Variants in PRORP observed in about 807,000 individuals in gnomAD.
PRORP encodes protein only RNase P catalytic subunit.
In PRORP, 51 loss-of-function variants were observed where a neutral mutation model predicts 59.4. The observed-to-expected ratio is 0.86, with a 90% confidence interval of 0.69 to 1.08. PRORP has a LOEUF of 1.08. Ranked by LOEUF, PRORP falls within the 50% of genes least tolerant of loss-of-function variation. The probability of loss-of-function intolerance (pLI) is 0.00; values close to 1 mark genes in which losing one functional copy is unlikely to be tolerated. For synonymous variants in PRORP, 231 were observed against 245.6 expected (o/e 0.94, Z 0.55); for missense variants, 646 against 690.3 (o/e 0.94, Z 0.72).
At chr14:35,126,042 G>C (rs948191518) in intron 2 of PRORP, among the ~76,000 whole-genome samples, 1 of 152,084 alleles carries the variant, frequency 6.6e-6, no homozygotes, top group East Asian at 1.9e-4. Context: ...AATAATGCTG[G>C]AATGGAGTTT....
intron 5 of PRORP, among the ~76,000 whole-genome samples, chr14:35,202,035 TCTCGGCTCACTGCAAG>T (rs1486227112): frequency 1.3e-5 from 2 of 150,654 alleles, no homozygotes; most frequent in Non-Finnish European, 3.0e-5. Context: ...AGTGGTGTGA[TCTCGGCTCACTGCAAG>T]CTCCACCTCC....
chr14:35,159,010 A>T (rs1428376580), intron 4 of PRORP: 3 of 329,188 alleles, frequency 9.1e-6, no homozygotes, highest in Non-Finnish European at 1.8e-5. Context: ...CCATCATTCC[A>T]GTCGTCCAGA....
intron 4 of PRORP, among the ~76,000 whole-genome samples, chr14:35,137,475 G>A (rs754819289): frequency 6.9e-6 from 1 of 144,660 alleles, no homozygotes; most frequent in Non-Finnish European, 1.5e-5. Context: ...GATACCTGCT[G>A]TGTTAAGTGG....
intron 5 of PRORP, among the ~76,000 whole-genome samples, chr14:35,242,663 G>T (rs935925895): frequency 4.6e-5 from 7 of 152,012 alleles, no homozygotes; most frequent in Non-Finnish European, 8.8e-5. Flanking sequence ...CATCTATCTA[G>T]CTAGCTAGCT....
intron 4 of PRORP, among the ~76,000 whole-genome samples, chr14:35,148,355 A>T (rs1360195021): frequency 6.6e-6 from 1 of 152,214 alleles, no homozygotes; most frequent in Non-Finnish European, 1.5e-5. Context: ...CTCCTTATAC[A>T]TCTCCATAAG....
At chr14:35,210,399 G>A (rs2049408111) in intron 5 of PRORP, among the ~76,000 whole-genome samples, 1 of 151,930 alleles carries the variant, frequency 6.6e-6, no homozygotes, top group Admixed American at 6.6e-5. Context: ...AAATGAATGA[G>A]GTACAAAGTC....
intron 5 of PRORP, among the ~76,000 whole-genome samples, chr14:35,236,557 T>C (rs1053241312): frequency 1.3e-5 from 2 of 152,194 alleles, no homozygotes; most frequent in African/African-American, 2.4e-5. Context: ...TGAACATATT[T>C]TAGTCTTTAT....
intron 4 of PRORP, among the ~76,000 whole-genome samples, chr14:35,174,966 C>T (rs2048410918): frequency 7.1e-6 from 1 of 141,220 alleles, no homozygotes; most frequent in South Asian, 2.2e-4. Flanking sequence ...TTGTTCAATT[C>T]GCACTTATGA....
intron 5 of PRORP, chr14:35,262,888 T>C (rs1384642092): frequency 1.3e-6 from 2 of 1,555,974 alleles, no homozygotes; most frequent in Non-Finnish European, 1.8e-6. Context: ...AAAGATGAAT[T>C]AATCCTTGAA....
intron 5 of PRORP, among the ~76,000 whole-genome samples, chr14:35,188,549 G>A (rs1330435694): frequency 2.0e-5 from 3 of 151,772 alleles, no homozygotes; most frequent in Non-Finnish European, 4.4e-5. Context: ...TAATCTCTAA[G>A]TATTTTCTCC....
chr14:35,181,606 G>C (rs1373975420), intron 5 of PRORP, among the ~76,000 whole-genome samples: 2 of 152,026 alleles, frequency 1.3e-5, no homozygotes, highest in African/African-American at 4.8e-5. Flanking sequence ...CTAACATGGT[G>C]AAACCCTGTC....
chr14:35,207,087 T>G (rs986922836), intron 5 of PRORP, among the ~76,000 whole-genome samples: 1 of 151,776 alleles, frequency 6.6e-6, no homozygotes, highest in African/African-American at 2.4e-5. Context: ...AAGGTGGCTG[T>G]GTATCTTTTA....
At chr14:35,198,344 G>T (rs1362969766) in intron 5 of PRORP, among the ~76,000 whole-genome samples, 1 of 152,178 alleles carries the variant, frequency 6.6e-6, no homozygotes, top group Non-Finnish European at 1.5e-5. Flanking sequence ...TTCTTGTTAC[G>T]AACCGGTGAA....
chr14:35,127,362 G>T (rs1254222783), intron 3 of PRORP, 117 bp from the exon 4 acceptor site: 11 of 722,582 alleles, frequency 1.5e-5, no homozygotes, highest in Non-Finnish European at 2.3e-5. Flanking sequence ...TATCACAAAG[G>T]TTTTAATGTT....
intron 4 of PRORP, chr14:35,158,560 A>T (rs1281625922): frequency 4.0e-6 from 1 of 251,338 alleles, no homozygotes; most frequent in African/African-American, 2.3e-5. Context: ...TAAAGTTATT[A>T]TCTGGTTTAA....
intron 5 of PRORP, among the ~76,000 whole-genome samples, chr14:35,182,615 A>T (rs1463093666): frequency 6.6e-6 from 1 of 152,244 alleles, no homozygotes; most frequent in Non-Finnish European, 1.5e-5. Context: ...ATTGCACTCC[A>T]GCCTGGGCGA....
At chr14:35,268,886 G>A (rs1335071652) in intron 6 of PRORP, among the ~76,000 whole-genome samples, 2 of 152,150 alleles carry the variant, frequency 1.3e-5, no homozygotes, top group African/African-American at 2.4e-5. Flanking sequence ...GAGCCACCTC[G>A]CCTGGCCCCC....
rs1353291956 is a variant in PRORP at position 35,266,798 on chromosome 14, A to G, written c.1347A>G (p.Leu449=). ...TGGTCCTAGGCCGGAAGCACATGCT[A>G]AGACGGAGTTCCCAGTGGAGTCGGG... ...RLLVLGRKHM[L]RRSSQWSRDE... Residue 449 remains leucine (L), a synonymous_variant, in exon 6 of 8, where the codon CTA becomes CTG. Transcript: ENST00000534898. 2 of 1,614,074 alleles carry G rather than the reference A, an allele frequency of 1.2e-6. No homozygotes were observed. Among genetic ancestry groups the G allele is most frequent in the South Asian group, 1.1e-5 (1 of 91,094 alleles).
In PRORP at chr14:35,266,801, A is replaced by G. The variant is rs868516052; in HGVS notation, c.1350A>G (p.Arg450=). ...LLVLGRKHML[R]RSSQWSRDEM... ...TCCTAGGCCGGAAGCACATGCTAAG[A>G]CGGAGTTCCCAGTGGAGTCGGGATG... The change falls in exon 6 of 8, where the codon AGA becomes AGG. Residue 450 remains arginine, a synonymous_variant. Coordinates refer to ENST00000534898, the MANE Select transcript of PRORP (RefSeq NM_014672.4). 1.1e-5 allele frequency: 18 copies of G among 1,614,172 alleles called. No homozygotes were observed. The Middle Eastern group carries it at 2.0e-3, about 178-fold the overall frequency.
Sources: allele counts gnomAD v4.1 joint callset (sites outside exome capture counted in the v4.1 genomes callset), GRCh38; gene constraint gnomAD v4.1.1; transcripts MANE v1.5; gene names NCBI Gene and HGNC (gene_info 2026-07-23, HGNC 2026-07-21).